Variants in EIPR1 observed in about 807,000 individuals in gnomAD.
The protein encoded by EIPR1 is EARP complex and GARP complex interacting protein 1, also known as EARP and GARP complex-interacting protein 1.
EIPR1 carries 25 observed loss-of-function variants against 48.1 expected under a neutral mutation model. The ratio of observed to expected loss-of-function variants is 0.52; its 90% CI spans 0.38 to 0.73. The LOEUF (loss-of-function observed/expected upper bound fraction) is 0.73, where lower values mean the gene tolerates loss of function less well. Among genes scored for constraint, EIPR1 ranks in the 30% least tolerant of loss-of-function variants. EIPR1 has a pLI of 0.00. For synonymous variants in EIPR1, 204 were observed against 201.9 expected (o/e 1.01, Z -0.09); for missense variants, 415 against 506.2 (o/e 0.82, Z 1.73).
At chr2:3,223,803 G>A (rs1201151306) in intron 4 of EIPR1, among the ~76,000 whole-genome samples, 5 of 152,110 alleles carry the variant, frequency 3.3e-5, no homozygotes, top group Non-Finnish European at 7.4e-5. Flanking sequence ...GGAACGGCAT[G>A]GCGGCATGCC....
At chr2:3,237,195 TCAGGATTAAG>T (rs1314402191) in intron 4 of EIPR1, among the ~76,000 whole-genome samples, 2 of 149,608 alleles carry the variant, frequency 1.3e-5, no homozygotes, top group African/African-American at 5.0e-5. Context: ...ATCTGACTTT[TCAGGATTAAG>T]CTGTATTTTG....
chr2:3,202,123 G>A (rs984609072), intron 5 of EIPR1, among the ~76,000 whole-genome samples: 2 of 152,048 alleles, frequency 1.3e-5, no homozygotes, highest in African/African-American at 4.8e-5. Flanking sequence ...ATTTTTAGTA[G>A]AGACGGGGTT....
intron 5 of EIPR1, among the ~76,000 whole-genome samples, chr2:3,206,734 G>A (rs1665250139): frequency 6.6e-6 from 1 of 151,816 alleles, no homozygotes; most frequent in Non-Finnish European, 1.5e-5. Flanking sequence ...AAGACCATGA[G>A]TACAGATCAG....
At chr2:3,363,796 T>C (rs1190579766) in intron 1 of EIPR1, among the ~76,000 whole-genome samples, 3 of 104,550 alleles carry the variant, frequency 2.9e-5, no homozygotes, top group African/African-American at 6.3e-5. Context: ...CTCAGACAAC[T>C]CAACAGCAAA....
intron 3 of EIPR1, among the ~76,000 whole-genome samples, chr2:3,277,977 C>T (rs553218808): frequency 6.6e-6 from 1 of 152,322 alleles, no homozygotes; most frequent in African/African-American, 2.4e-5. Context: ...CAGGGCTGCA[C>T]CAGCACTCCC....
intron 3 of EIPR1, among the ~76,000 whole-genome samples, chr2:3,268,209 G>C (rs994730310): frequency 3.3e-5 from 5 of 151,954 alleles, no homozygotes; most frequent in African/African-American, 4.8e-5. Context: ...CACCAGCTCC[G>C]GGAGGCCTGG....
At chr2:3,230,427 GA>G in intron 4 of EIPR1, among the ~76,000 whole-genome samples, 1 of 152,282 alleles carries the variant, frequency 6.6e-6, no homozygotes, top group South Asian at 2.1e-4. Context: ...TCCCATCGGG[GA>G]TGCTGAATAA....
intron 3 of EIPR1, chr2:3,301,159 G>C (rs1415713498): frequency 6.6e-6 from 1 of 152,112 alleles, no homozygotes; most frequent in East Asian, 1.9e-4. Context: ...CAGCATCACG[G>C]GCACGCAAGT....
intron 1 of EIPR1, among the ~76,000 whole-genome samples, chr2:3,368,222 G>A (rs1425637891): frequency 6.6e-6 from 1 of 152,118 alleles, no homozygotes; most frequent in Non-Finnish European, 1.5e-5. Context: ...ACTGATCTCA[G>A]GACTCCAGGA....
chr2:3,354,332 C>T (rs531054802), intron 2 of EIPR1, among the ~76,000 whole-genome samples: 2 of 152,372 alleles, frequency 1.3e-5, no homozygotes, highest in South Asian at 4.1e-4. Flanking sequence ...CTACGGAAGT[C>T]ATGCCAAACA....
intron 3 of EIPR1, among the ~76,000 whole-genome samples, chr2:3,269,314 AGTC>A: frequency 7.7e-6 from 1 of 129,460 alleles, no homozygotes; most frequent in Non-Finnish European, 1.6e-5. Context: ...CATCGCACTC[AGTC>A]ATCGCACTCA....
intron 3 of EIPR1, among the ~76,000 whole-genome samples, chr2:3,269,571 T>TCAATCATCA (rs1453751632): frequency 9.2e-5 from 8 of 86,540 alleles, no homozygotes; most frequent in African/African-American, 4.6e-4. Context: ...GTCATCGCAC[T>TCAATCATCA]CAGTCATCGC....
intron 3 of EIPR1, among the ~76,000 whole-genome samples, chr2:3,292,680 C>T (rs757109655): frequency 1.3e-5 from 2 of 152,256 alleles, no homozygotes; most frequent in African/African-American, 2.4e-5. Context: ...CTCCAAGGCA[C>T]GCAGCCTCAT....
chr2:3,356,033 G>A (rs12476907), intron 1 of EIPR1, among the ~76,000 whole-genome samples: 24,700 of 152,182 alleles, frequency 0.16, 2,232 homozygotes, highest in Non-Finnish European at 0.21. Context: ...TCCATGTTGG[G>A]GTGAAGGAGG....
At chr2:3,203,941 C>G (rs1435120283) in intron 5 of EIPR1, among the ~76,000 whole-genome samples, 1 of 152,202 alleles carries the variant, frequency 6.6e-6, no homozygotes, top group African/African-American at 2.4e-5. Flanking sequence ...AGACCACAGC[C>G]TCATGCGAGG....
At chr2:3,237,221 TACACACACACACACACACACAC>T (rs35498711) in intron 4 of EIPR1, among the ~76,000 whole-genome samples, 13 of 127,840 alleles carry the variant, frequency 1.0e-4, no homozygotes, top group African/African-American at 1.8e-4. Context: ...TTTTGAAAAC[TACACACACACACACACACACAC>T]ACACACACAC....
At chr2:3,209,902 GA>G (rs1174573285) in intron 5 of EIPR1, among the ~76,000 whole-genome samples, 42 of 152,168 alleles carry the variant, frequency 2.8e-4, no homozygotes, top group Admixed American at 7.9e-4. Context: ...TTGGGGCACA[GA>G]GTATTTTTAG....
chr2:3,353,246 C>A (rs763854764), intron 2 of EIPR1: 1 of 471,152 alleles, frequency 2.1e-6, no homozygotes, highest in Admixed American at 2.3e-5. Flanking sequence ...TGGAACACAT[C>A]CCCTGTGAAA....
chr2:3,319,234 T>C (rs147420513), intron 3 of EIPR1: 1 of 330,134 alleles, frequency 3.0e-6, no homozygotes, highest in African/African-American at 2.2e-5. Context: ...AGAAGCAGCA[T>C]CCTTGAAGCC....
Sources: allele counts gnomAD v4.1 joint callset (sites outside exome capture counted in the v4.1 genomes callset), GRCh38; gene constraint gnomAD v4.1.1; transcripts MANE v1.5; gene names NCBI Gene and HGNC (gene_info 2026-07-23, HGNC 2026-07-21).